GPM6A: variants seen among roughly 807,000 people sequenced by gnomAD.
The protein encoded by GPM6A is glycoprotein M6A, also known as neuronal membrane glycoprotein M6-a.
Under a neutral mutation model 32.1 loss-of-function variants are expected in GPM6A, and 7 were observed. The ratio of observed to expected loss-of-function variants is 0.22; its 90% CI spans 0.12 to 0.41. The LOEUF (loss-of-function observed/expected upper bound fraction) is 0.41. Ranked by LOEUF, GPM6A falls within the 10% of genes least tolerant of loss-of-function variation. The pLI, the probability that GPM6A is intolerant of heterozygous loss-of-function variation, is 1.00. For missense variants in GPM6A, 235 were observed against 347.2 expected (o/e 0.68, Z 2.57); for synonymous variants, 130 against 123.4 (o/e 1.05, Z -0.35).
intron 1 of GPM6A, among the ~76,000 whole-genome samples, chr4:175,773,483 A>G (rs1733270662): frequency 6.6e-6 from 1 of 152,176 alleles, no homozygotes; most frequent in South Asian, 2.1e-4. Context: ...AATCAGAGCT[A>G]AAAAAGGATG....
intron 1 of GPM6A, among the ~76,000 whole-genome samples, chr4:175,883,529 T>G (rs868153975): frequency 3.3e-5 from 5 of 152,164 alleles, no homozygotes; most frequent in Non-Finnish European, 7.4e-5. Flanking sequence ...TCATCAGAAG[T>G]ACTTGATCTG....
At chr4:175,709,924 C>T (rs764832068) in intron 1 of GPM6A, among the ~76,000 whole-genome samples, 4 of 151,918 alleles carry the variant, frequency 2.6e-5, no homozygotes, top group Admixed American at 6.6e-5. Context: ...AGGGAAATCT[C>T]ACTTTGGCAA....
At chr4:175,794,172 G>A (rs1186228995) in intron 1 of GPM6A, among the ~76,000 whole-genome samples, 1 of 152,084 alleles carries the variant, frequency 6.6e-6, no homozygotes, top group Non-Finnish European at 1.5e-5. Flanking sequence ...AAATCTCTGG[G>A]TCTTAGCATC....
Position 175,634,303 on chromosome 4 carries a change from T to C in GPM6A, c.*602A>G, listed in dbSNP as rs1324123334. The C allele has an allele frequency of 1.3e-5, 2 of 152,536 alleles. No individual in the cohort carries two copies. Among genetic ancestry groups the C allele is most frequent in the African/African-American group, 4.8e-5 (2 of 41,438 alleles). The allele number at this position is 152,536 out of a possible 1,614,324, so 9.4% of individuals were successfully genotyped here. ...ATGTTAACAAAGATAAGAAGCACTT[T>C]TTTTTTTAAACCTACTCTTACAAAT... On this transcript the variant is annotated 3_prime_UTR_variant, in exon 7 of 7. Coordinates refer to ENST00000393658, the MANE Select transcript of GPM6A (RefSeq NM_201591.3).
intron 3 of GPM6A, among the ~76,000 whole-genome samples, chr4:175,658,814 C>T (rs191180695): frequency 3.4e-4 from 51 of 152,216 alleles, no homozygotes; most frequent in Admixed American, 1.1e-3. Context: ...AATGTTAATA[C>T]GATCTAAGTG....
At chr4:175,863,772 TGGGAGGACTCTTCGAGCC>T (rs1485974092) in intron 1 of GPM6A, among the ~76,000 whole-genome samples, 4 of 151,996 alleles carry the variant, frequency 2.6e-5, no homozygotes, top group Admixed American at 6.6e-5. Context: ...GATGCCGAGG[TGGGAGGACTCTTCGAGCC>T]CAAGAGTTCA....
rs1332030570 is a variant in GPM6A, at chr4:175,637,268, T to A, written c.685-2211A>T. Among the ~76,000 whole-genome samples, 161 of 55,294 alleles carry A rather than the reference T, an allele frequency of 2.9e-3. 6 individuals carry two copies. The highest frequency in any genetic ancestry group is 4.7e-3 in the African/African-American group (73 of 15,570). 36.3% of individuals were successfully genotyped at this position (55,294 alleles called of 152,430 possible). On this transcript the variant is annotated intron_variant, in intron 6 of 6. Coordinates refer to ENST00000393658, the MANE Select transcript of GPM6A (RefSeq NM_201591.3). ...ATTATATATAATATAAAATATATATTATATATTATATATTATATAAAATAT... is the reference window on the plus strand; with the variant it reads ...ATTATATATAATATAAAATATATATAATATATTATATATTATATAAAATAT...
intron 1 of GPM6A, among the ~76,000 whole-genome samples, chr4:175,878,809 T>C (rs1737174168): frequency 2.0e-5 from 3 of 152,190 alleles, no homozygotes; most frequent in Admixed American, 6.5e-5. Flanking sequence ...TTTTCTTTCC[T>C]ATCACATCAC....
chr4:175,732,110 G>A (rs997851526), intron 1 of GPM6A, among the ~76,000 whole-genome samples: 1 of 151,738 alleles, frequency 6.6e-6, no homozygotes, highest in East Asian at 1.9e-4. Context: ...GGGACTACAA[G>A]TGTGTGCCAC....
At chr4:175,639,772 A>C (rs1041630902) in intron 6 of GPM6A, among the ~76,000 whole-genome samples, 30 of 152,022 alleles carry the variant, frequency 2.0e-4, no homozygotes, top group Non-Finnish European at 4.1e-4. Flanking sequence ...TGGCTTTTTA[A>C]TGTTCTTAGC....
chr4:175,786,212 G>T (rs771204265), intron 1 of GPM6A, among the ~76,000 whole-genome samples: 1 of 151,858 alleles, frequency 6.6e-6, no homozygotes, highest in Non-Finnish European at 1.5e-5. Flanking sequence ...CAAACACCAT[G>T]AATTGAGAAT....
intron 1 of GPM6A, among the ~76,000 whole-genome samples, chr4:175,914,195 T>C (rs1738413354): frequency 6.6e-6 from 1 of 152,068 alleles, no homozygotes; most frequent in South Asian, 2.1e-4. Context: ...AGGTGAGTTG[T>C]CACATTTTTG....
chr4:175,828,541 G>A (rs1207465729), intron 1 of GPM6A, among the ~76,000 whole-genome samples: 1 of 152,166 alleles, frequency 6.6e-6, no homozygotes, highest in African/African-American at 2.4e-5. Context: ...ATGTTTGTAA[G>A]AGTATTCATA....
At chr4:175,959,337 T>C in intron 1 of GPM6A, among the ~76,000 whole-genome samples, 1 of 152,140 alleles carries the variant, frequency 6.6e-6, no homozygotes, top group Non-Finnish European at 1.5e-5. Context: ...GCTTCACACA[T>C]TATGATTCAG....
Position 175,639,426 on chromosome 4 carries a change from C to T in GPM6A, c.684+703G>A, listed in dbSNP as rs112966832. On this transcript the variant is annotated intron_variant, in intron 6 of 6. Coordinates refer to ENST00000393658, the MANE Select transcript of GPM6A (RefSeq NM_201591.3). The stretch of plus-strand genomic sequence containing the variant: ...TCACAGTCGTGAGGTTACTGGGAGT[C>T]CTTCTAGGGCTCTAGACTACTCATC... Among the ~76,000 whole-genome samples the T allele has an allele frequency of 5.7e-3, 870 of 152,222 alleles. 6 individuals are homozygous for T. Among genetic ancestry groups the T allele is most frequent in the Middle Eastern group, 0.017 (5 of 294 alleles).
intron 1 of GPM6A, among the ~76,000 whole-genome samples, chr4:175,861,345 T>C (rs893053117): frequency 4.0e-5 from 6 of 151,382 alleles, no homozygotes; most frequent in Non-Finnish European, 7.4e-5. Flanking sequence ...AATAACTTTA[T>C]ATATAAATTA....
intron 1 of GPM6A, among the ~76,000 whole-genome samples, chr4:175,777,428 T>C (rs546462068): frequency 2.0e-5 from 3 of 152,172 alleles, no homozygotes; most frequent in African/African-American, 7.2e-5. Context: ...ACTCAACAAA[T>C]GGTAGAATAT....
At chr4:175,738,282 G>A (rs1316529308) in intron 1 of GPM6A, among the ~76,000 whole-genome samples, 1 of 151,982 alleles carries the variant, frequency 6.6e-6, no homozygotes, top group Non-Finnish European at 1.5e-5. Flanking sequence ...CATGAAATTT[G>A]GAGGGACCAA....
At chr4:175,898,179 T>C (rs1737852812) in intron 1 of GPM6A, among the ~76,000 whole-genome samples, 1 of 152,216 alleles carries the variant, frequency 6.6e-6, no homozygotes, top group Admixed American at 6.5e-5. Flanking sequence ...TCTTCTTTCA[T>C]CTATCACATA....
Sources: allele counts gnomAD v4.1 joint callset (sites outside exome capture counted in the v4.1 genomes callset), GRCh38; gene constraint gnomAD v4.1.1; transcripts MANE v1.5; gene names NCBI Gene and HGNC (gene_info 2026-07-23, HGNC 2026-07-21).